AR: variants seen among roughly 807,000 people sequenced by gnomAD.
AR encodes androgen receptor.
Under a neutral mutation model 53.9 loss-of-function variants are expected in AR, and 8 were observed. That is an observed-to-expected ratio of 0.15 (90% CI 0.09 to 0.27). The LOEUF (loss-of-function observed/expected upper bound fraction) is 0.27, where lower values mean the gene tolerates loss of function less well. AR is among the 10% of genes least tolerant of loss of function. AR has a pLI of 1.00. For synonymous variants in AR, 359 were observed against 316.4 expected, an observed-to-expected ratio of 1.13 and a Z score of -1.43; for missense variants, 639 against 742.5, an observed-to-expected ratio of 0.86 and a Z score of 1.62.
rs894630577 is a variant in AR, at chrX:67,551,013, T to G, written c.1616+4251T>G. On this transcript the variant is annotated intron_variant, in intron 1 of 7. Transcript: ENST00000374690. ...AATGAATAGCTGGGTTTTTTTTTTT[T>G]TTTTTTTTTTTACCTTGAGGTTAAA... Among the ~76,000 whole-genome samples, 6 of 103,996 alleles carry G rather than the reference T, an allele frequency of 5.8e-5. No homozygotes were observed. In the East Asian group the frequency reaches 1.7e-3, roughly 30 times the overall value. 90.3% of individuals were successfully genotyped at this position (103,996 alleles called of 115,157 possible).
At chrX:67,593,569 C>T (rs1208207308) in intron 1 of AR, among the ~76,000 whole-genome samples, 1 of 110,776 alleles carries the variant, frequency 9.0e-6, no homozygotes, top group Non-Finnish European at 1.9e-5. Context: ...CCAGGATGGT[C>T]TCGATCTCTT....
chrX:67,554,619 T>A (rs1409654156), intron 1 of AR, among the ~76,000 whole-genome samples: 1 of 111,599 alleles, frequency 9.0e-6, no homozygotes, highest in Non-Finnish European at 1.9e-5. Context: ...TCTGTAGAGA[T>A]TAGCCTAATA....
At chrX:67,635,469 G>A (rs938740184) in intron 1 of AR, among the ~76,000 whole-genome samples, 26 of 111,032 alleles carry the variant, frequency 2.3e-4, no homozygotes, top group African/African-American at 8.5e-4. Flanking sequence ...GTCACTGGTG[G>A]GACTTACTTA....
chrX:67,571,358 G>GT (rs1282504334), intron 1 of AR, among the ~76,000 whole-genome samples: 1 of 111,490 alleles, frequency 9.0e-6, no homozygotes, highest in Non-Finnish European at 1.9e-5. Context: ...TCTTCCCAGT[G>GT]TATCTGTGGT....
At chrX:67,664,006 T>C (rs960895779) in intron 2 of AR, among the ~76,000 whole-genome samples, 6 of 111,893 alleles carry the variant, frequency 5.4e-5, no homozygotes, top group African/African-American at 1.6e-4. Context: ...TTGGTTATTC[T>C]AGTTAGCCAT....
intron 1 of AR, among the ~76,000 whole-genome samples, chrX:67,623,008 G>A (rs1435635438): frequency 2.7e-5 from 3 of 111,362 alleles, no homozygotes; most frequent in Non-Finnish European, 5.7e-5. Flanking sequence ...ATGAAGGGAT[G>A]CATAGATGAA....
chrX:67,629,585 C>A (rs1468137050), intron 1 of AR, among the ~76,000 whole-genome samples: 1 of 110,205 alleles, frequency 9.1e-6, no homozygotes, highest in Non-Finnish European at 1.9e-5. Flanking sequence ...TTTCAAAAAA[C>A]CACCTCCTGG....
intron 2 of AR, among the ~76,000 whole-genome samples, chrX:67,645,994 C>A (rs185859441): frequency 1.5e-4 from 17 of 111,896 alleles, no homozygotes; most frequent in African/African-American, 3.9e-4. Flanking sequence ...TCAAATTATA[C>A]CTGTCTTAGA....
chrX:67,700,436 T>C (rs1193870180), intron 3 of AR, among the ~76,000 whole-genome samples: 1 of 111,492 alleles, frequency 9.0e-6, no homozygotes, highest in African/African-American at 3.3e-5. Flanking sequence ...TTGTCCAGGA[T>C]TCCAAGTCGT....
intron 1 of AR, chrX:67,569,121 A>G (rs1921690750): frequency 4.6e-6 from 4 of 876,744 alleles, no homozygotes; most frequent in Non-Finnish European, 6.3e-6. Flanking sequence ...CCATGACATT[A>G]TCTATTAGGC....
At chrX:67,550,076 C>G (rs1193904843) in intron 1 of AR, among the ~76,000 whole-genome samples, 1 of 111,734 alleles carries the variant, frequency 8.9e-6, no homozygotes, top group Non-Finnish European at 1.9e-5. Flanking sequence ...CTGTCTGGAT[C>G]CCAACAATCA....
At chrX:67,640,365 T>C (rs1352176507) in intron 1 of AR, among the ~76,000 whole-genome samples, 1 of 111,410 alleles carries the variant, frequency 9.0e-6, no homozygotes, top group Non-Finnish European at 1.9e-5. Flanking sequence ...CTTCTTTTTC[T>C]GTTGTTTGGA....
chrX:67,574,056 A>C (rs759514191), intron 1 of AR, among the ~76,000 whole-genome samples: 1 of 111,809 alleles, frequency 8.9e-6, no homozygotes, highest in African/African-American at 3.2e-5. Flanking sequence ...CATTTGTAAA[A>C]CATAATGGAA....
At chrX:67,637,635 C>T (rs918373544) in intron 1 of AR, among the ~76,000 whole-genome samples, 1 of 109,701 alleles carries the variant, frequency 9.1e-6, no homozygotes, top group Non-Finnish European at 1.9e-5. Context: ...CCGCAATAAA[C>T]ATACGTGTGC....
chrX:67,664,832 A>G lies in AR; in HGVS notation c.1769-21178A>G, dbSNP rs1051755741. Among the ~76,000 whole-genome samples the G allele has an allele frequency of 5.3e-5, 6 of 112,234 alleles. No individual in the cohort carries two copies. In the Admixed American group the frequency reaches 5.6e-4, roughly 11 times the overall value. On this transcript the variant is annotated intron_variant, in intron 2 of 7. Coordinates refer to ENST00000374690, the MANE Select transcript of AR (RefSeq NM_000044.6). ...CAGCAATGGCGGGCACCCCTCCCCC[A>G]GCCTCGCTGCTGCCTTGCAGTTTGG...
At chrX:67,649,625 AGTG>A (rs770844541) in intron 2 of AR, among the ~76,000 whole-genome samples, 1 of 112,665 alleles carries the variant, frequency 8.9e-6, no homozygotes, top group East Asian at 2.8e-4. Context: ...CCTAATGACC[AGTG>A]ATGATAAGCT....
intron 2 of AR, among the ~76,000 whole-genome samples, chrX:67,663,556 C>T (rs1927077238): frequency 1.8e-5 from 2 of 112,136 alleles, no homozygotes; most frequent in African/African-American, 6.5e-5. Flanking sequence ...CTGCCTTTAA[C>T]ATTTTTTCCT....
chrX:67,679,806 C>A (rs753640825), intron 2 of AR, among the ~76,000 whole-genome samples: 29 of 111,371 alleles, frequency 2.6e-4, no homozygotes, highest in Non-Finnish European at 4.7e-4. Flanking sequence ...AATATATTGA[C>A]CATTGGTTTT....
intron 1 of AR, among the ~76,000 whole-genome samples, chrX:67,631,492 A>G (rs1452214143): frequency 3.6e-5 from 4 of 111,718 alleles, no homozygotes; most frequent in African/African-American, 6.5e-5. Flanking sequence ...CAGCTCCATC[A>G]GCTCCTTTAA....
Sources: gnomAD v4.1 joint callset for allele counts (sites outside exome capture counted in the v4.1 genomes callset) on GRCh38, gnomAD v4.1.1 for gene constraint, MANE v1.5 for transcripts, NCBI Gene and HGNC (gene_info 2026-07-23, HGNC 2026-07-21) for gene names.